Variants in POLR3C observed in about 807,000 individuals in gnomAD.
POLR3C encodes the protein DNA-directed RNA polymerase III subunit RPC3.
Under a neutral mutation model 65.9 loss-of-function variants are expected in POLR3C, and 44 were observed. The ratio of observed to expected loss-of-function variants is 0.67; its 90% CI spans 0.52 to 0.86. The LOEUF (loss-of-function observed/expected upper bound fraction) is 0.86. POLR3C is among the 40% of genes least tolerant of loss of function. The pLI is 0.00. For synonymous variants in POLR3C, 263 were observed against 231.6 expected (o/e 1.14, Z -1.23); for missense variants, 576 against 653.2 (o/e 0.88, Z 1.29).
intron 7 of POLR3C, among the ~76,000 whole-genome samples, chr1:145,835,920 G>GT (rs1164489194): frequency 6.6e-6 from 1 of 152,048 alleles, no homozygotes; most frequent in African/African-American, 2.4e-5. Flanking sequence ...GACAGTGTAT[G>GT]TAAAACTTCC....
chr1:145,842,998 A>T lies in POLR3C; in HGVS notation c.*578A>T, dbSNP rs9729027. On this transcript the variant is annotated 3_prime_UTR_variant, in exon 15 of 15. Coordinates refer to ENST00000334163, the MANE Select transcript of POLR3C (RefSeq NM_006468.8). Reference sequence around the variant, plus strand: ...CCAGCTATTTTTTATTTATTTATTTATTTTTTTGTAGAGACAGGGCCTCCC... The same window carrying T: ...CCAGCTATTTTTTATTTATTTATTTTTTTTTTTGTAGAGACAGGGCCTCCC... Among the ~76,000 whole-genome samples the T allele has an allele frequency of 0.36, 54,573 of 151,490 alleles. 9,988 individuals are homozygous for T. Among genetic ancestry groups the T allele is most frequent in the African/African-American group, 0.39 (16,208 of 41,298 alleles).
intron 7 of POLR3C, among the ~76,000 whole-genome samples, chr1:145,835,023 G>A (rs1651683829): frequency 6.6e-6 from 1 of 150,902 alleles, no homozygotes; most frequent in South Asian, 2.1e-4. Context: ...CCATATGCCT[G>A]TAGTCACAGC....
Position 145,842,843 on chromosome 1 carries a change from C to T in POLR3C, c.*423C>T, listed in dbSNP as rs935721820. ...ATTTGTTGTTGTTGAGACAGGATCT[C>T]ACTCTGTCACTCAGGCTGGGGTGTA... On this transcript the variant is annotated 3_prime_UTR_variant, in exon 15 of 15. Coordinates refer to ENST00000334163, the MANE Select transcript of POLR3C (RefSeq NM_006468.8). Among the ~76,000 whole-genome samples, 1 of 119,726 alleles carries T rather than the reference C, an allele frequency of 8.4e-6. No individual in the cohort carries two copies. Among genetic ancestry groups the T allele is most frequent in the Non-Finnish European group, 1.7e-5 (1 of 58,022 alleles). The allele number at this position is 119,726 out of a possible 152,430, so 78.5% of individuals were successfully genotyped here.
chr1:145,826,046 C>G (rs1351121663), intron 2 of POLR3C, 123 bp downstream of exon 2: 1 of 762,302 alleles, frequency 1.3e-6, no homozygotes, highest in Admixed American at 2.6e-5. Context: ...TGGAGCAGAA[C>G]AATGTTATTT....
Position 145,828,783 on chromosome 1 carries a change from T to C in POLR3C, c.624T>C (p.Asp208=), listed in dbSNP as rs1651043791. The C allele has an allele frequency of 6.2e-7, 1 of 1,610,940 alleles. No individual in the cohort carries two copies. Among genetic ancestry groups the C allele is most frequent in the Non-Finnish European group, 8.5e-7 (1 of 1,177,126 alleles). Residue 208 remains aspartate, a synonymous_variant, in exon 5 of 15, where the codon GAT becomes GAC. Transcript: ENST00000334163. ...KGKRRRSSDE[D]AAGEPKAKRP... is the part of the protein sequence containing the mutation. ...AAAGGAGGAGATCATCTGATGAAGA[T>C]GCTGCTGGGGAGCCCAAGGCCAAGA...
chr1:145,840,721 T>C (rs1652228140), intron 13 of POLR3C, among the ~76,000 whole-genome samples: 1 of 152,160 alleles, frequency 6.6e-6, no homozygotes. Flanking sequence ...CACCAAACTT[T>C]TAAGTGCAAA....
chr1:145,835,001 T>C (rs1047065274), intron 7 of POLR3C, among the ~76,000 whole-genome samples: 10 of 151,244 alleles, frequency 6.6e-5, no homozygotes, highest in African/African-American at 2.4e-4. Context: ...AAAAAATTAG[T>C]TGGGTGTGGT....
intron 7 of POLR3C, among the ~76,000 whole-genome samples, chr1:145,834,386 G>T (rs1651608646): frequency 6.6e-6 from 1 of 152,204 alleles, no homozygotes; most frequent in South Asian, 2.1e-4. Flanking sequence ...CCAGTAACAG[G>T]CTGAGCGGGG....
At chr1:145,827,421 A>G (rs1650860636) in intron 4 of POLR3C, among the ~76,000 whole-genome samples, 1 of 152,154 alleles carries the variant, frequency 6.6e-6, no homozygotes, top group Non-Finnish European at 1.5e-5. Flanking sequence ...GTTCGAGACC[A>G]GCCTGGGCAA....
intron 2 of POLR3C, 96 bp from the exon 3 acceptor site, chr1:145,826,358 C>T: frequency 9.9e-7 from 1 of 1,008,838 alleles, no homozygotes; most frequent in South Asian, 1.4e-5. Context: ...TAGCCATTTT[C>T]TGATGCTTAC....
intron 6 of POLR3C, 58 bp downstream of exon 6, chr1:145,833,422 A>G (rs1651519079): frequency 6.6e-7 from 1 of 1,516,468 alleles, no homozygotes; most frequent in African/African-American, 1.4e-5. Context: ...TTTGTCAGAT[A>G]TGGCCATTGG....
chr1:145,824,541 G>C, intron 1 of POLR3C, 172 bp downstream of exon 1: 2 of 1,289,558 alleles, frequency 1.6e-6, no homozygotes, highest in Non-Finnish European at 2.0e-6. Flanking sequence ...GTGGATGGAC[G>C]AAATAGGTCT....
In POLR3C at chr1:145,839,952, C is replaced by T; in HGVS notation, c.1284C>T (p.Ile428=). ...SRTFYLYTVN[I]LSAARMLLHR... is the part of the protein sequence containing the mutation. ...CCTTCTATTTATATACTGTGAACAT[C>T]CTGTCAGCTGCCCGAATGTTGTTGC... Residue 428 remains isoleucine (I), a synonymous_variant, in exon 12 of 15, where the codon ATC becomes ATT. Transcript: ENST00000334163. 1 of 1,611,986 alleles carries T rather than the reference C, an allele frequency of 6.2e-7. No individual in the cohort carries two copies.
chr1:145,838,875 G>C (rs587627843), intron 11 of POLR3C, among the ~76,000 whole-genome samples: 1 of 152,274 alleles, frequency 6.6e-6, no homozygotes, highest in South Asian at 2.1e-4. Flanking sequence ...TAAATAGATA[G>C]AATGGATTTT....
At chr1:145,825,732 T>G (rs782588692) in intron 1 of POLR3C, 25 bp from the exon 2 acceptor site, 1 of 1,527,740 alleles carries the variant, frequency 6.5e-7, no homozygotes, top group South Asian at 1.1e-5. Flanking sequence ...CTTTCTATTG[T>G]ACCATTTTGG....
rs778883130 is a variant in POLR3C at position 145,824,208 on chromosome 1, A to C, written c.-182A>C. The C allele has an allele frequency of 2.6e-5, 8 of 312,540 alleles. No individual in the cohort carries two copies. The highest frequency in any genetic ancestry group is 4.2e-5 in the Non-Finnish European group (7 of 165,966). 19.4% of individuals were successfully genotyped at this position (312,540 alleles called of 1,614,324 possible). On this transcript the variant is annotated 5_prime_UTR_variant, in exon 1 of 15. Transcript: ENST00000334163. The stretch of plus-strand genomic sequence containing the variant: ...CGCCGAAACTCTGGGGTAGAGTGGC[A>C]CGCGCTTTTTGCTTTTCCGCGTCTT...
At chr1:145,839,840 G>A (rs373658783) in intron 11 of POLR3C, 50 bp from the exon 12 acceptor site, 3 of 1,033,776 alleles carry the variant, frequency 2.9e-6, no homozygotes, top group African/African-American at 3.1e-5. Flanking sequence ...TGCTTTGCCA[G>A]TTCTAAAACA....
chr1:145,837,248 A>C (rs1553728984), intron 9 of POLR3C, among the ~76,000 whole-genome samples: 1 of 152,190 alleles, frequency 6.6e-6, no homozygotes. Context: ...CAGACGTTGC[A>C]GTAAGCTGAG....
At chr1:145,836,096 T>G (rs2101650447) in intron 7 of POLR3C, among the ~76,000 whole-genome samples, 1 of 150,734 alleles carries the variant, frequency 6.6e-6, no homozygotes, top group South Asian at 2.1e-4. Flanking sequence ...TTTTGGACAG[T>G]TTTGTGGTAA....
Sources: allele counts gnomAD v4.1 joint callset (sites outside exome capture counted in the v4.1 genomes callset), GRCh38; gene constraint gnomAD v4.1.1; transcripts MANE v1.5; gene names NCBI Gene and HGNC (gene_info 2026-07-23, HGNC 2026-07-21).